Variants in PTPRD observed in about 807,000 individuals in gnomAD.
PTPRD encodes the protein protein tyrosine phosphatase receptor type D.
Under a neutral mutation model 214.5 loss-of-function variants are expected in PTPRD, and 34 were observed. The observed-to-expected ratio is 0.16, with a 90% CI of 0.12 to 0.21. The LOEUF (loss-of-function observed/expected upper bound fraction) is 0.21. PTPRD is among the 10% of genes least tolerant of loss of function. PTPRD has a pLI of 1.00. For missense variants in PTPRD, 2,545 were observed against 2,398.7 expected (o/e 1.06, Z -1.27); for synonymous variants, 1,128 against 845.7 (o/e 1.33, Z -5.79).
chr9:9,323,342 T>C (rs1490530480), intron 9 of PTPRD, among the ~76,000 whole-genome samples: 4 of 152,168 alleles, frequency 2.6e-5, no homozygotes, highest in Non-Finnish European at 2.9e-5. Flanking sequence ...TTACTTATCA[T>C]CTAATTTTAT....
intron 3 of PTPRD, among the ~76,000 whole-genome samples, chr9:10,162,116 T>C (rs2099130843): frequency 6.6e-6 from 1 of 151,668 alleles, no homozygotes; most frequent in South Asian, 2.1e-4. Flanking sequence ...GTATAGCCAC[T>C]GTGGATAACT....
At chr9:9,782,095 G>A (rs1025242651) in intron 5 of PTPRD, among the ~76,000 whole-genome samples, 5 of 151,788 alleles carry the variant, frequency 3.3e-5, no homozygotes, top group Non-Finnish European at 1.5e-5. Context: ...CCGGCCTTTG[G>A]ACTCAATTTT....
chr9:9,532,492 C>T (rs764762795), intron 8 of PTPRD, among the ~76,000 whole-genome samples: 3 of 152,072 alleles, frequency 2.0e-5, no homozygotes, highest in East Asian at 1.9e-4. Flanking sequence ...TGGTTAGGTC[C>T]CCACCCAGCT....
chr9:10,070,214 C>A (rs1567480489), intron 3 of PTPRD, among the ~76,000 whole-genome samples: 1 of 151,988 alleles, frequency 6.6e-6, no homozygotes, highest in Non-Finnish European at 1.5e-5. Context: ...CTGTTTTGTC[C>A]ACTTTTTTGT....
intron 5 of PTPRD, among the ~76,000 whole-genome samples, chr9:9,894,190 C>T (rs1428638417): frequency 6.6e-6 from 1 of 152,096 alleles, no homozygotes; most frequent in Non-Finnish European, 1.5e-5. Context: ...CCCCTAAACT[C>T]CTTCAACAGC....
At chr9:8,515,197 G>T (rs1249093864) in intron 21 of PTPRD, among the ~76,000 whole-genome samples, 1 of 152,110 alleles carries the variant, frequency 6.6e-6, no homozygotes, top group Non-Finnish European at 1.5e-5. Context: ...ACGACCTACG[G>T]CAAGTTTCTG....
At chr9:10,264,044 A>G (rs1005714436) in intron 3 of PTPRD, among the ~76,000 whole-genome samples, 4 of 152,176 alleles carry the variant, frequency 2.6e-5, no homozygotes, top group Non-Finnish European at 5.9e-5. Flanking sequence ...GAGTGCACAG[A>G]AGTCAAGAAT....
chr9:8,801,856 T>C (rs966147236), intron 11 of PTPRD, among the ~76,000 whole-genome samples: 2 of 152,136 alleles, frequency 1.3e-5, no homozygotes, highest in African/African-American at 2.4e-5. Flanking sequence ...CTTAATGGTA[T>C]TACCACAGTT....
At chr9:10,391,182 C>T (rs1445451876) in intron 2 of PTPRD, among the ~76,000 whole-genome samples, 1 of 151,630 alleles carries the variant, frequency 6.6e-6, no homozygotes, top group Non-Finnish European at 1.5e-5. Flanking sequence ...TTTTAGGTAT[C>T]TTAAAAATTA....
At chr9:10,153,087 C>A (rs1041420927) in intron 3 of PTPRD, among the ~76,000 whole-genome samples, 2 of 152,088 alleles carry the variant, frequency 1.3e-5, no homozygotes, top group Non-Finnish European at 2.9e-5. Flanking sequence ...TTCTGGACAT[C>A]TATTTTACAT....
At chr9:10,533,530 G>C (rs979008346) in intron 2 of PTPRD, among the ~76,000 whole-genome samples, 2 of 136,928 alleles carry the variant, frequency 1.5e-5, no homozygotes, top group African/African-American at 2.5e-5. Flanking sequence ...TCTAATTTTT[G>C]GTGTTTTTTT....
chr9:9,387,822 C>T (rs979261293), intron 9 of PTPRD, among the ~76,000 whole-genome samples: 7 of 152,226 alleles, frequency 4.6e-5, no homozygotes, highest in African/African-American at 1.7e-4. Flanking sequence ...GACCCTATGG[C>T]AATGTCTGTG....
intron 8 of PTPRD, among the ~76,000 whole-genome samples, chr9:9,484,296 G>A (rs923514789): frequency 9.2e-5 from 14 of 151,950 alleles, no homozygotes; most frequent in African/African-American, 3.1e-4. Context: ...GAGATGCCAG[G>A]CATTAAGGTA....
chr9:8,958,146 T>C (rs1263069708), intron 11 of PTPRD, among the ~76,000 whole-genome samples: 1 of 151,898 alleles, frequency 6.6e-6, no homozygotes, highest in Non-Finnish European at 1.5e-5. Flanking sequence ...GCTAAATGTG[T>C]GCTTTTAAAT....
chr9:10,584,765 G>A (rs1169472038), intron 2 of PTPRD, among the ~76,000 whole-genome samples: 3 of 152,130 alleles, frequency 2.0e-5, no homozygotes, highest in Non-Finnish European at 4.4e-5. Flanking sequence ...CAGTTGGTGT[G>A]CAGTACACAT....
chr9:9,509,077 G>A (rs1231259228), intron 8 of PTPRD, among the ~76,000 whole-genome samples: 1 of 151,052 alleles, frequency 6.6e-6, no homozygotes, highest in African/African-American at 2.4e-5. Flanking sequence ...CTACATAAAT[G>A]AAATGTAAGA....
At chr9:10,450,707 T>C (rs539850284) in intron 2 of PTPRD, among the ~76,000 whole-genome samples, 1 of 151,998 alleles carries the variant, frequency 6.6e-6, no homozygotes, top group Non-Finnish European at 1.5e-5. Context: ...CAGTTTGTAG[T>C]CATTATTTAA....
chr9:9,743,766 ACAC>A (rs2098429691), intron 6 of PTPRD, among the ~76,000 whole-genome samples: 1 of 146,890 alleles, frequency 6.8e-6, no homozygotes, highest in Non-Finnish European at 1.5e-5. Flanking sequence ...ACACACACAC[ACAC>A]AATTTATACT....
intron 11 of PTPRD, among the ~76,000 whole-genome samples, chr9:8,779,570 A>G (rs183720085): frequency 1.3e-5 from 2 of 152,250 alleles, no homozygotes; most frequent in East Asian, 1.9e-4. Flanking sequence ...TAACACTACC[A>G]AGGCCCACTC....
Sources: gnomAD v4.1 joint callset for allele counts (sites outside exome capture counted in the v4.1 genomes callset) on GRCh38, gnomAD v4.1.1 for gene constraint, MANE v1.5 for transcripts, NCBI Gene and HGNC (gene_info 2026-07-23, HGNC 2026-07-21) for gene names.